LRRC49: variants seen among roughly 807,000 people sequenced by gnomAD.
LRRC49 encodes the protein leucine-rich repeat-containing protein 49.
A neutral mutation model predicts 83.3 loss-of-function variants in LRRC49; 50 were observed. That is an observed-to-expected ratio of 0.60 (90% CI 0.48 to 0.76). The LOEUF (loss-of-function observed/expected upper bound fraction) is 0.76, where lower values mean the gene tolerates loss of function less well. Ranked by LOEUF, LRRC49 falls within the 30% of genes least tolerant of loss-of-function variation. The pLI is 0.00. For missense variants in LRRC49, 704 were observed against 809.1 expected (o/e 0.87, Z 1.58); for synonymous variants, 286 against 283.3 (o/e 1.01, Z -0.10).
At chr15:70,900,051 C>T (rs1388519141) in intron 3 of LRRC49, 2 of 153,978 alleles carry the variant, frequency 1.3e-5, no homozygotes, top group African/African-American at 2.4e-5. Context: ...ATATTCACCT[C>T]CCCTCAAACC....
chr15:70,886,968 A>C (rs1441317927), intron 2 of LRRC49, among the ~76,000 whole-genome samples: 2 of 152,198 alleles, frequency 1.3e-5, no homozygotes, highest in Non-Finnish European at 2.9e-5. Flanking sequence ...TTCAAATACA[A>C]GATTATCATG....
chr15:70,889,757 A>C (rs962623879), upstream of LRRC49, among the ~76,000 whole-genome samples: 1 of 152,200 alleles, frequency 6.6e-6, no homozygotes, highest in South Asian at 2.1e-4. Flanking sequence ...TGTCTACAAT[A>C]GCTCTTCAAT....
chr15:70,901,261 T>C (rs1396148136), intron 4 of LRRC49, among the ~76,000 whole-genome samples: 2 of 152,148 alleles, frequency 1.3e-5, no homozygotes, highest in Non-Finnish European at 2.9e-5. Flanking sequence ...ACTACAGCAA[T>C]TCTAAAATAT....
chr15:70,936,668 G>T lies in LRRC49; in HGVS notation c.712-93G>T, dbSNP rs960085670. The stretch of plus-strand genomic sequence containing the variant: ...TGATGTAGCAATGTTGCAGTAAATA[G>T]AAATGATTATATATTTCAATAGCTT... On this transcript the variant is annotated intron_variant, in intron 7 of 15. Coordinates refer to ENST00000260382, the MANE Select transcript of LRRC49 (RefSeq NM_017691.5). 3.0e-5 allele frequency: 23 copies of T among 773,090 alleles called. No homozygotes were observed. In the African/African-American group the frequency reaches 3.3e-4, roughly 11 times the overall value. The allele number at this position is 773,090 out of a possible 1,614,324, so 47.9% of individuals were successfully genotyped here. A position where few individuals can be genotyped will look rare whatever the true frequency, so the allele number is the denominator to read the frequency against.
At position 70,904,625 on chromosome 15, in the gene LRRC49, A is replaced by G. The variant is rs1294165737; in HGVS notation, c.370A>G (p.Ile124Val). The G allele has an allele frequency of 6.2e-7, 1 of 1,613,034 alleles. No homozygotes were observed. The highest frequency in any genetic ancestry group is 8.5e-7 in the Non-Finnish European group (1 of 1,179,178). The change falls in exon 5 of 16, where the codon ATA becomes GTA. Residue 124 changes from isoleucine to valine, a missense_variant. Physicochemically the swap from Ile to Val is conservative, Grantham distance 29. Around this residue, in one of 3 missense-constraint regions of LRRC49, gnomAD observed 261 missense variants for 330.5 expected, o/e 0.79. Coordinates refer to ENST00000260382, the MANE Select transcript of LRRC49 (RefSeq NM_017691.5). The stretch of plus-strand genomic sequence containing the variant: ...TTTGTTGAACTTTCAACACAATTTT[A>G]TAACTCGGATACAAAATATTTCTAA... ...LRLLNFQHNF[I>V]TRIQNISNLQ...
intron 14 of LRRC49, among the ~76,000 whole-genome samples, chr15:71,032,086 G>A (rs1388659508): frequency 6.6e-6 from 1 of 152,192 alleles, no homozygotes; most frequent in Non-Finnish European, 1.5e-5. Flanking sequence ...CCAAACAGCT[G>A]CCCAGTTTTG....
chr15:71,042,254 G>C (rs567599662), intron 15 of LRRC49, among the ~76,000 whole-genome samples: 37 of 152,222 alleles, frequency 2.4e-4, no homozygotes, highest in South Asian at 6.2e-4. Context: ...CTTCCAAGTA[G>C]CTGAAACTAC....
At chr15:70,936,679 A>G (rs986747038) in intron 7 of LRRC49, 82 bp from the exon 8 acceptor site, 2 of 831,568 alleles carry the variant, frequency 2.4e-6, no homozygotes, top group Non-Finnish European at 4.0e-6. Context: ...AAATGATTAT[A>G]TATTTCAATA....
chr15:70,854,167 G>C, intron 1 of LRRC49: 1 of 1,069,834 alleles, frequency 9.3e-7, no homozygotes, highest in Non-Finnish European at 1.2e-6. Context: ...TGCGACGAGG[G>C]GGCGGGGGCG....
At chr15:71,040,996 A>G (rs1205827579) in intron 15 of LRRC49, among the ~76,000 whole-genome samples, 6 of 152,144 alleles carry the variant, frequency 3.9e-5, no homozygotes. Flanking sequence ...CTTCATTCCC[A>G]CAGCTGCAAG....
rs562967881 is a variant in LRRC49 at position 70,893,592 on chromosome 15, C to T, written c.57C>T (p.Cys19=). Residue 19 remains cysteine, a synonymous_variant, in exon 2 of 16, where the codon TGC becomes TGT. Coordinates refer to ENST00000260382, the MANE Select transcript of LRRC49 (RefSeq NM_017691.5). Reference sequence around the variant, plus strand: ...TAATTTTTACATTTCAGGTGAACTGCGGGCTTCATCTGGTTATTCAAACAT... The same window carrying T: ...TAATTTTTACATTTCAGGTGAACTGTGGGCTTCATCTGGTTATTCAAACAT... ...VSGRAANNVN[C]GLHLVIQTSS... 2.5e-6 allele frequency: 4 copies of T among 1,607,250 alleles called. No homozygotes were observed. The South Asian group carries it at 3.3e-5, about 13-fold the overall frequency.
chr15:70,993,841 A>G (rs1311136172), intron 11 of LRRC49, among the ~76,000 whole-genome samples: 4 of 152,092 alleles, frequency 2.6e-5, no homozygotes, highest in African/African-American at 9.7e-5. Flanking sequence ...CAATCCGTCA[A>G]ATTTTTTTCT....
At position 71,049,730 on chromosome 15, in the gene LRRC49, A is replaced by G; in HGVS notation, c.*118A>G. The G allele has an allele frequency of 1.5e-6, 1 of 657,176 alleles. No homozygotes were observed. The highest frequency in any genetic ancestry group is 1.8e-5 in the African/African-American group (1 of 54,716). 40.7% of individuals were successfully genotyped at this position (657,176 alleles called of 1,614,324 possible). ...TCCTATAAACTAGAAAGACTAGTATAAAAGCATTATTGCCCACTGTTCTCA... is the reference window on the plus strand; with the variant it reads ...TCCTATAAACTAGAAAGACTAGTATGAAAGCATTATTGCCCACTGTTCTCA... On this transcript the variant is annotated 3_prime_UTR_variant, in exon 16 of 16. Coordinates refer to ENST00000260382, the MANE Select transcript of LRRC49 (RefSeq NM_017691.5).
intron 8 of LRRC49, among the ~76,000 whole-genome samples, chr15:70,958,770 C>T (rs140481173): frequency 2.5e-3 from 374 of 152,196 alleles, no homozygotes; most frequent in Middle Eastern, 3.4e-3. Flanking sequence ...CTATGAGTTG[C>T]GTATAAATTG....
chr15:70,884,439 G>A (rs900233188), intron 2 of LRRC49, among the ~76,000 whole-genome samples: 2 of 152,024 alleles, frequency 1.3e-5, no homozygotes, highest in Non-Finnish European at 2.9e-5. Context: ...ATAATTGCTT[G>A]AAGCCGGGAG....
rs528740695 is a variant in LRRC49, at chr15:70,997,330, C to T, written c.1170-11049C>T. ...AATATTTGATATAAAATCTATTTAACGTAATATTAGTAGCTACTCTGGCTC... is the reference window on the plus strand; with the variant it reads ...AATATTTGATATAAAATCTATTTAATGTAATATTAGTAGCTACTCTGGCTC... On this transcript the variant is annotated intron_variant, in intron 11 of 15. Coordinates refer to ENST00000260382, the MANE Select transcript of LRRC49 (RefSeq NM_017691.5). 7.2e-5 allele frequency among the ~76,000 whole-genome samples: 11 copies of T among 152,196 alleles called. No homozygotes were observed. The South Asian group carries it at 1.7e-3, about 23-fold the overall frequency.
In LRRC49 at chr15:70,919,122, C is replaced by A. The variant is rs2034907470; in HGVS notation, c.640C>A (p.His214Asn). ...VLNLARNFLS[H>N]VDNLNGLDSL... ...AAATCTTGCCAGGAACTTTTTAAGT[C>A]ATGTTGATAATCTTAATGGGCTGGA... The change falls in exon 7 of 16, where the codon CAT (histidine) becomes AAT (asparagine). Residue 214 changes from histidine (H) to asparagine (N), a missense_variant. His to Asn is a moderately conservative substitution (Grantham distance 68, BLOSUM62 1). Coordinates refer to ENST00000260382, the MANE Select transcript of LRRC49 (RefSeq NM_017691.5). 1.2e-5 allele frequency: 20 copies of A among 1,611,374 alleles called. No individual in the cohort carries two copies. Among genetic ancestry groups the A allele is most frequent in the Non-Finnish European group, 1.6e-5 (19 of 1,178,046 alleles).
intron 2 of LRRC49, among the ~76,000 whole-genome samples, chr15:70,878,136 G>A (rs1373818907): frequency 2.0e-5 from 3 of 152,104 alleles, no homozygotes; most frequent in Non-Finnish European, 2.9e-5. Context: ...GCGACAGAGT[G>A]AGACTCTGTC....
chr15:70,867,564 A>T (rs574650889), intron 1 of LRRC49, among the ~76,000 whole-genome samples: 4 of 152,288 alleles, frequency 2.6e-5, no homozygotes, highest in African/African-American at 9.6e-5. Context: ...GTAACTTGCT[A>T]AAGGTTATAC....
Sources: allele counts gnomAD v4.1 joint callset (sites outside exome capture counted in the v4.1 genomes callset), GRCh38; gene constraint gnomAD v4.1.1; regional missense constraint gnomAD v4.1.1; transcripts MANE v1.5; gene names NCBI Gene and HGNC (gene_info 2026-07-23, HGNC 2026-07-21).